Variants in EPS8L2 observed in about 807,000 individuals in gnomAD.
EPS8L2 encodes the protein EPS8 signaling adaptor L2.
EPS8L2 carries 81 observed loss-of-function variants against 99.4 expected under a neutral mutation model. The observed-to-expected ratio is 0.82, with a 90% CI of 0.68 to 0.98. The LOEUF is 0.98. Ranked by LOEUF, EPS8L2 falls within the 50% of genes least tolerant of loss-of-function variation. EPS8L2 has a pLI of 0.00. For synonymous variants in EPS8L2, 509 were observed against 407.3 expected (o/e 1.25, Z -3.01); for missense variants, 1,155 against 968.8 (o/e 1.19, Z -2.55).
chr11:710,748 G>A (rs1202565468), intron 4 of EPS8L2, among the ~76,000 whole-genome samples: 2 of 111,574 alleles, frequency 1.8e-5, no homozygotes, highest in South Asian at 2.5e-4. Flanking sequence ...AAACGAAAGA[G>A]AGAAAGAGAG....
At chr11:723,639 C>T (rs1310319987) in intron 15 of EPS8L2, among the ~76,000 whole-genome samples, 2 of 152,170 alleles carry the variant, frequency 1.3e-5, no homozygotes, top group Admixed American at 6.5e-5. Flanking sequence ...AACCACTGAA[C>T]TTGAGTGGTT....
Position 722,109 on chromosome 11 carries a change from A to C in EPS8L2, c.1003A>C (p.Ile335Leu), listed in dbSNP as rs772958476. The change falls in exon 12 of 21, where the codon ATC (isoleucine) becomes CTC (leucine). Residue 335 changes from isoleucine to leucine, a missense_variant. Physicochemically the swap from Ile to Leu is conservative, Grantham distance 5. Transcript: ENST00000318562. ...CCCCCAGGCAAAGCTGCAGAAGCAC[A>C]TCCAGAACCCCAGCGCCGCGGAGCT... ...INLLAKLQKH[I>L]QNPSAAELVH... 6.2e-7 allele frequency: 1 copy of C among 1,613,056 alleles called. No homozygotes were observed. The highest frequency in any genetic ancestry group is 8.5e-7 in the Non-Finnish European group (1 of 1,179,880).
At chr11:710,166 G>A in intron 3 of EPS8L2, 1 of 489,766 alleles carries the variant, frequency 2.0e-6, no homozygotes, top group Non-Finnish European at 3.7e-6. Context: ...GGCACAGGCT[G>A]CTGGTCCCCA....
rs919093439 is a variant in EPS8L2, at chr11:710,471, G to A, written c.150G>A (p.Ser50=). The change falls in exon 4 of 21, where the codon TCG becomes TCA. Residue 50 remains serine, a synonymous_variant. Transcript: ENST00000318562. ...SNSNVIMHET[S]QYHVQHLATF... ...CCAACGTCATCATGCACGAGACCTC[G>A]CAGTACCACGTCCAGGTAAGGCCCC... is the stretch of plus-strand genomic sequence containing the variant. The A allele has an allele frequency of 5.8e-5, 93 of 1,613,558 alleles. No homozygotes were observed. Among genetic ancestry groups the A allele is most frequent in the Non-Finnish European group, 6.5e-5 (77 of 1,179,952 alleles).
At position 709,597 on chromosome 11, in the gene EPS8L2, A is replaced by G. The variant is rs553614983; in HGVS notation, c.89A>G (p.Lys30Arg). ...RSDGVAKMSP[K>R]DLFEQRKKYS... ...GACGGTGTGGCCAAGATGAGCCCCA[A>G]GGACCTGTTTGGTGAGTGAGGTTTG... is the stretch of plus-strand genomic sequence containing the variant. Residue 30 changes from lysine (K) to arginine (R), a missense_variant, in exon 3 of 21, where the codon AAG becomes AGG. Transcript: ENST00000318562. 8.1e-6 allele frequency: 13 copies of G among 1,613,202 alleles called. 1 individual carries two copies. The Admixed American group carries it at 1.7e-4, about 21-fold the overall frequency.
At chr11:714,505 A>G (rs1333517597) in intron 4 of EPS8L2, among the ~76,000 whole-genome samples, 1 of 151,910 alleles carries the variant, frequency 6.6e-6, no homozygotes, top group East Asian at 1.9e-4. Flanking sequence ...TGCTGGGATT[A>G]CAGGCGTGAG....
At chr11:714,236 C>CTTT (rs71464110) in intron 4 of EPS8L2, among the ~76,000 whole-genome samples, 3 of 145,144 alleles carry the variant, frequency 2.1e-5, no homozygotes, top group Non-Finnish European at 3.0e-5. Flanking sequence ...TTTCTTTTTT[C>CTTT]TTTTTTTTTT....
Position 720,739 on chromosome 11 carries a change from A to G in EPS8L2, c.470A>G (p.Glu157Gly). 2.2e-6 allele frequency: 3 copies of G among 1,358,530 alleles called. No individual in the cohort carries two copies. In the South Asian group the frequency reaches 3.6e-5, roughly 17 times the overall value. The allele number at this position is 1,358,530 out of a possible 1,614,324, so 84.2% of individuals were successfully genotyped here. The change falls in exon 6 of 21, where the codon GAG becomes GGG. Residue 157 changes from glutamate (E) to glycine (G), a missense_variant. By Grantham distance (98) the Glu-to-Gly change is moderately conservative. Transcript: ENST00000318562. Reference sequence around the variant, plus strand: ...GATGTCCACTTCTTCCACTGCGATGAGGTGGAGGTGAGGCGGTGCCGGGCG... The same window carrying G: ...GATGTCCACTTCTTCCACTGCGATGGGGTGGAGGTGAGGCGGTGCCGGGCG... ...KPDVHFFHCD[E>G]VEAELVHEDI...
At position 726,347 on chromosome 11, in the gene EPS8L2, G is replaced by A; in HGVS notation, c.1797G>A (p.Arg599=). 1 of 1,611,042 alleles carries A rather than the reference G, an allele frequency of 6.2e-7. No individual in the cohort carries two copies. The highest frequency in any genetic ancestry group is 8.5e-7 in the Non-Finnish European group (1 of 1,179,288). The change falls in exon 19 of 21, where the codon CGG becomes CGA. Residue 599 remains arginine, a synonymous_variant. Coordinates refer to ENST00000318562, the MANE Select transcript of EPS8L2 (RefSeq NM_022772.4). ...ACGAGGTCAACGACGAGCTCATCCG[G>A]AAAATCAGCAACATCAGGGCGCAGC... ...HMDEVNDELI[R]KISNIRAQPQ... is the part of the protein sequence containing the mutation.
intron 7 of EPS8L2, 70 bp downstream of exon 7, chr11:720,979 C>CA: frequency 7.7e-7 from 1 of 1,303,878 alleles, no homozygotes; most frequent in Non-Finnish European, 1.0e-6. Context: ...AGGGGAGGAG[C>CA]CGGCAGGGGA....
At chr11:720,349 T>C in intron 5 of EPS8L2, 126 bp downstream of exon 5, 1 of 1,156,126 alleles carries the variant, frequency 8.6e-7, no homozygotes, top group Non-Finnish European at 1.2e-6. Flanking sequence ...TTCTGGTCCC[T>C]GGAAGAGGAT....
At chr11:713,615 G>C (rs1355068347) in intron 4 of EPS8L2, among the ~76,000 whole-genome samples, 1 of 152,204 alleles carries the variant, frequency 6.6e-6, no homozygotes, top group African/African-American at 2.4e-5. Flanking sequence ...CGTGATCTTG[G>C]TTCACTGCAA....
Position 726,626 on chromosome 11 carries a change from G to A in EPS8L2, c.1942G>A (p.Glu648Lys). 2 of 1,552,440 alleles carry A rather than the reference G, an allele frequency of 1.3e-6. No individual in the cohort carries two copies. Among genetic ancestry groups the A allele is most frequent in the Non-Finnish European group, 1.7e-6 (2 of 1,148,334 alleles). The change falls in exon 20 of 21, where the codon GAG (glutamate) becomes AAG (lysine). Residue 648 changes from glutamate (E) to lysine (K), a missense_variant. By Grantham distance (56) the Glu-to-Lys change is moderately conservative. Transcript: ENST00000318562. ...EAKAFSPRIV[E>K]NLGILTGPQL... ...CCAACTGCCCGCCCCCAGGATCGTG[G>A]AGAACCTGGGCATCCTGACCGGGCC... is the stretch of plus-strand genomic sequence containing the variant.
chr11:727,257 C>T lies in EPS8L2; in HGVS notation c.*276C>T. ...CTTGAGGCCACAGAACTCCCTGGGG[C>T]TGGGGCCTCTTTCTCTGGCCTCCCC... On this transcript the variant is annotated 3_prime_UTR_variant, in exon 21 of 21. Transcript: ENST00000318562. 2.8e-6 allele frequency: 1 copy of T among 352,932 alleles called. No individual in the cohort carries two copies. The highest frequency in any genetic ancestry group is 3.3e-5 in the South Asian group (1 of 29,948). 21.9% of individuals were successfully genotyped at this position (352,932 alleles called of 1,614,324 possible).
intron 2 of EPS8L2, 24 bp from the exon 3 acceptor site, chr11:709,529 G>A (rs758515421): frequency 3.1e-6 from 5 of 1,611,052 alleles, no homozygotes; most frequent in East Asian, 2.2e-5. Context: ...GTTTGGCCCT[G>A]CCCTGACAGC....
intron 4 of EPS8L2, among the ~76,000 whole-genome samples, chr11:716,271 C>T (rs1862025253): frequency 6.6e-6 from 1 of 152,008 alleles, no homozygotes; most frequent in Admixed American, 6.6e-5. Context: ...GCTTCAGCCT[C>T]CTGAGTAGCT....
rs773433705 is a variant in EPS8L2 at position 725,857 on chromosome 11, C to CG, written c.1680+15dup. The CG allele has an allele frequency of 1.9e-4, 260 of 1,369,872 alleles. 1 individual carries two copies. Among genetic ancestry groups the CG allele is most frequent in the Non-Finnish European group, 2.2e-4 (231 of 1,067,794 alleles). 84.9% of individuals were successfully genotyped at this position (1,369,872 alleles called of 1,614,324 possible). On this transcript the variant is annotated intron_variant, in intron 17 of 20. Transcript: ENST00000318562. ...CGCCCCGTTCGAGCAGGTGAGCCCG[C>CG]GGGGGTCCCTGGGGTCGCAGCCCCC... is the stretch of plus-strand genomic sequence containing the variant.
In EPS8L2 at chr11:724,433, G is replaced by A; in HGVS notation, c.1455-291G>A. 2.3e-6 allele frequency: 1 copy of A among 428,890 alleles called. No homozygotes were observed. Among genetic ancestry groups the A allele is most frequent in the Non-Finnish European group, 4.3e-6 (1 of 233,412 alleles). 26.6% of individuals were successfully genotyped at this position (428,890 alleles called of 1,614,324 possible). ...TGGCTCTGGTTCCCCTGGGGTGCCG[G>A]ACTGGAGACCCCTGAGGTGGCCTGG... is the stretch of plus-strand genomic sequence containing the variant. On this transcript the variant is annotated intron_variant, in intron 15 of 20. Coordinates refer to ENST00000318562, the MANE Select transcript of EPS8L2 (RefSeq NM_022772.4). The surrounding 1 kb of genome is among the most constrained non-coding windows in gnomAD (Gnocchi z 5.5).
At position 722,102 on chromosome 11, in the gene EPS8L2, GA is replaced by G. The variant is rs1862194871; in HGVS notation, c.998del (p.Lys333SerfsTer21). ...GTTCCCACCCCCAGGCAAAGCTGCA[GA>G]AGCACATCCAGAACCCCAGCGCCGC... ...LAINLLAKLQ[K>X]HIQNPSAAEL... On this transcript the variant is annotated frameshift_variant, in exon 12 of 21. Coordinates refer to ENST00000318562, the MANE Select transcript of EPS8L2 (RefSeq NM_022772.4). LOFTEE classifies it high-confidence loss of function. The G allele has an allele frequency of 6.2e-7, 1 of 1,613,128 alleles. No individual in the cohort carries two copies. The highest frequency in any genetic ancestry group is 1.3e-5 in the African/African-American group (1 of 75,044).
Sources: gnomAD v4.1 joint callset for allele counts (sites outside exome capture counted in the v4.1 genomes callset) on GRCh38, gnomAD v4.1.1 for gene constraint, Gnocchi (gnomAD v3.1) non-coding constraint, MANE v1.5 for transcripts, NCBI Gene and HGNC (gene_info 2026-07-23, HGNC 2026-07-21) for gene names.